Variants in PTPRK observed in about 807,000 individuals in gnomAD.
PTPRK encodes receptor-type tyrosine-protein phosphatase kappa.
In PTPRK, 75 loss-of-function variants were observed where a neutral mutation model predicts 178.0. The observed-to-expected ratio is 0.42, with a 90% confidence interval of 0.35 to 0.51. PTPRK has a LOEUF of 0.51. Ranked by LOEUF, PTPRK falls within the 20% of genes least tolerant of loss-of-function variation. PTPRK has a pLI of 0.02. For missense variants in PTPRK, 1,441 were observed against 1,797.8 expected, an observed-to-expected ratio of 0.80 and a Z score of 3.59; for synonymous variants, 637 against 620.6, an observed-to-expected ratio of 1.03 and a Z score of -0.39.
chr6:128,473,652 C>T lies in PTPRK; in HGVS notation c.100+46607G>A, dbSNP rs140835921. 1.6e-3 allele frequency among the ~76,000 whole-genome samples: 248 copies of T among 151,990 alleles called. 1 individual carries two copies. Among genetic ancestry groups the T allele is most frequent in the African/African-American group, 5.7e-3 (238 of 41,518 alleles). ...AATGACTCACCTCCTAGTTATTTTT[C>T]AAGGATGCTTTTGAGAACTTGAGAA... On this transcript the variant is annotated intron_variant, in intron 1 of 29. Coordinates refer to ENST00000368226, the MANE Select transcript of PTPRK (RefSeq NM_002844.4).
At chr6:128,501,230 G>A (rs1027297577) in intron 1 of PTPRK, 1 of 152,088 alleles carries the variant, frequency 6.6e-6, no homozygotes, top group African/African-American at 2.4e-5. Context: ...TCTTGAAATT[G>A]TTCATATATA....
At chr6:128,332,478 C>T (rs1300214670) in intron 2 of PTPRK, among the ~76,000 whole-genome samples, 1 of 152,200 alleles carries the variant, frequency 6.6e-6, no homozygotes, top group Non-Finnish European at 1.5e-5. Context: ...AATGAGACTA[C>T]CTCCATGATG....
At chr6:128,416,916 T>C (rs1249828838) in intron 1 of PTPRK, among the ~76,000 whole-genome samples, 1 of 149,992 alleles carries the variant, frequency 6.7e-6, no homozygotes, top group African/African-American at 2.4e-5. Flanking sequence ...ACTGTTGGTG[T>C]TGTGCTATAC....
chr6:128,298,292 C>T (rs1422163038), intron 3 of PTPRK, among the ~76,000 whole-genome samples: 2 of 152,012 alleles, frequency 1.3e-5, no homozygotes, highest in African/African-American at 2.4e-5. Flanking sequence ...CCGAATTCTA[C>T]CAAAGGTACA....
At chr6:128,069,976 T>C (rs1185327033) in intron 11 of PTPRK, among the ~76,000 whole-genome samples, 1 of 152,110 alleles carries the variant, frequency 6.6e-6, no homozygotes, top group East Asian at 1.9e-4. Context: ...CTTTCAGATT[T>C]GGCCCTACTC....
At chr6:128,350,137 A>G (rs1423982239) in intron 2 of PTPRK, among the ~76,000 whole-genome samples, 2 of 152,120 alleles carry the variant, frequency 1.3e-5, no homozygotes, top group Non-Finnish European at 2.9e-5. Context: ...GAGAAATAAA[A>G]ACTCCAAATA....
chr6:128,314,269 TCC>T (rs1827687304), intron 3 of PTPRK, among the ~76,000 whole-genome samples: 1 of 152,152 alleles, frequency 6.6e-6, no homozygotes, highest in Non-Finnish European at 1.5e-5. Context: ...CTGGATTTTC[TCC>T]CCCACTGGCT....
chr6:128,453,904 TC>T (rs570430454), intron 1 of PTPRK, among the ~76,000 whole-genome samples: 125 of 152,244 alleles, frequency 8.2e-4, no homozygotes, highest in African/African-American at 2.7e-3. Flanking sequence ...AAACTGTGGT[TC>T]CAGGTAACCA....
At chr6:128,138,097 C>G (rs968262008) in intron 7 of PTPRK, among the ~76,000 whole-genome samples, 5 of 152,010 alleles carry the variant, frequency 3.3e-5, no homozygotes, top group African/African-American at 1.2e-4. Flanking sequence ...CCACATGACA[C>G]TTCCTTAAAA....
intron 25 of PTPRK, among the ~76,000 whole-genome samples, chr6:127,978,993 T>C (rs1475844523): frequency 6.6e-6 from 1 of 152,036 alleles, no homozygotes; most frequent in African/African-American, 2.4e-5. Flanking sequence ...ATGAAATGTC[T>C]TTTTTTTGAA....
At chr6:127,983,104 T>C in intron 23 of PTPRK, 124 bp from the exon 24 acceptor site, 1 of 1,293,384 alleles carries the variant, frequency 7.7e-7, no homozygotes, top group Non-Finnish European at 1.1e-6. Flanking sequence ...AATATTTTTC[T>C]ATATGACTCA....
chr6:128,484,865 A>G (rs2128425777), intron 1 of PTPRK, among the ~76,000 whole-genome samples: 1 of 152,298 alleles, frequency 6.6e-6, no homozygotes, highest in South Asian at 2.1e-4. Flanking sequence ...CCTTTCAGAA[A>G]ATGCAAATCA....
intron 1 of PTPRK, among the ~76,000 whole-genome samples, chr6:128,426,771 A>G (rs887729254): frequency 1.3e-5 from 2 of 152,216 alleles, no homozygotes; most frequent in Non-Finnish European, 2.9e-5. Flanking sequence ...TTGTCTCTAC[A>G]TAAGGTCGAC....
At chr6:128,055,902 T>C (rs1404811996) in intron 13 of PTPRK, among the ~76,000 whole-genome samples, 2 of 152,136 alleles carry the variant, frequency 1.3e-5, no homozygotes, top group African/African-American at 4.8e-5. Context: ...TGTCTGGCCA[T>C]GCTTAAAGTG....
intron 1 of PTPRK, among the ~76,000 whole-genome samples, chr6:128,463,326 G>C (rs911741241): frequency 6.6e-6 from 1 of 152,094 alleles, no homozygotes; most frequent in Non-Finnish European, 1.5e-5. Flanking sequence ...TTAAAATTAA[G>C]TGTTTGATGC....
chr6:128,514,374 G>GTA (rs1049247778), intron 1 of PTPRK, among the ~76,000 whole-genome samples: 21 of 123,280 alleles, frequency 1.7e-4, no homozygotes, highest in African/African-American at 6.8e-4. Context: ...GTTAAGATGT[G>GTA]TGTGTGTGTG....
intron 13 of PTPRK, among the ~76,000 whole-genome samples, chr6:128,015,521 C>T (rs781142201): frequency 4.6e-5 from 7 of 151,596 alleles, no homozygotes; most frequent in African/African-American, 1.7e-4. Flanking sequence ...TGTTGGCTAC[C>T]TCAGATTTAT....
intron 2 of PTPRK, among the ~76,000 whole-genome samples, chr6:128,380,194 A>C (rs2128355472): frequency 6.6e-6 from 1 of 152,268 alleles, no homozygotes; most frequent in South Asian, 2.1e-4. Context: ...GGAGAGAAAA[A>C]AATTCACACA....
At chr6:128,144,395 C>T (rs925349006) in intron 7 of PTPRK, among the ~76,000 whole-genome samples, 5 of 152,172 alleles carry the variant, frequency 3.3e-5, no homozygotes, top group African/African-American at 9.7e-5. Flanking sequence ...GAGCACACTT[C>T]GAGTTGCCTT....
Sources: gnomAD v4.1 joint callset for allele counts (sites outside exome capture counted in the v4.1 genomes callset) on GRCh38, gnomAD v4.1.1 for gene constraint, MANE v1.5 for transcripts, NCBI Gene and HGNC (gene_info 2026-07-23, HGNC 2026-07-21) for gene names.